SCAMP1: variants seen among roughly 807,000 people sequenced by gnomAD.
SCAMP1 encodes secretory carrier-associated membrane protein 1.
Under a neutral mutation model 41.8 loss-of-function variants are expected in SCAMP1, and 15 were observed. The observed-to-expected ratio is 0.36, with a 90% CI of 0.24 to 0.55. The LOEUF (loss-of-function observed/expected upper bound fraction) is 0.55, where lower values mean the gene tolerates loss of function less well. SCAMP1 is among the 20% of genes least tolerant of loss of function. SCAMP1 has a pLI of 0.86. For missense variants in SCAMP1, 341 were observed against 412.6 expected (o/e 0.83, Z 1.50); for synonymous variants, 135 against 136.8 (o/e 0.99, Z 0.09).
intron 2 of SCAMP1, among the ~76,000 whole-genome samples, chr5:78,402,334 T>A (rs953385861): frequency 6.6e-6 from 1 of 152,200 alleles, no homozygotes; most frequent in Admixed American, 6.5e-5. Flanking sequence ...TTATATCCAA[T>A]CAACGGATGG....
chr5:78,423,173 A>T (rs1048801458), intron 6 of SCAMP1, among the ~76,000 whole-genome samples: 5 of 152,218 alleles, frequency 3.3e-5, no homozygotes, highest in Admixed American at 2.6e-4. Context: ...ATTATTACTT[A>T]GAAATGGCAT....
intron 2 of SCAMP1, among the ~76,000 whole-genome samples, chr5:78,392,751 G>A (rs1751552888): frequency 6.6e-6 from 1 of 152,136 alleles, no homozygotes; most frequent in Non-Finnish European, 1.5e-5. Flanking sequence ...GGAAAACACA[G>A]TTTAAATATT....
chr5:78,439,790 G>T (rs147788549), intron 6 of SCAMP1, among the ~76,000 whole-genome samples: 150 of 152,232 alleles, frequency 9.9e-4, no homozygotes, highest in African/African-American at 3.3e-3. Flanking sequence ...AGTTTTCCTG[G>T]ATAATATCCT....
intron 6 of SCAMP1, among the ~76,000 whole-genome samples, chr5:78,447,169 C>A (rs991981045): frequency 1.3e-5 from 2 of 152,192 alleles, no homozygotes; most frequent in Non-Finnish European, 2.9e-5. Flanking sequence ...CCCCACCATA[C>A]GTAGAAAAAT....
intron 6 of SCAMP1, among the ~76,000 whole-genome samples, chr5:78,449,272 CTG>C (rs935661076): frequency 3.3e-5 from 5 of 152,002 alleles, no homozygotes; most frequent in Admixed American, 1.3e-4. Context: ...AATGAATAAA[CTG>C]TGGTATATTT....
intron 1 of SCAMP1, among the ~76,000 whole-genome samples, chr5:78,385,515 A>C (rs866881456): frequency 6.6e-6 from 1 of 151,762 alleles, no homozygotes; most frequent in African/African-American, 2.4e-5. Context: ...TTGTTTCTCT[A>C]GTTCCTTGAG....
At chr5:78,473,359 C>T (rs1352978209) in intron 8 of SCAMP1, among the ~76,000 whole-genome samples, 2 of 152,166 alleles carry the variant, frequency 1.3e-5, no homozygotes, top group East Asian at 3.8e-4. Context: ...CATGTGTTAA[C>T]ATGCTTTCTT....
At chr5:78,397,441 A>G (rs1554042512) in intron 2 of SCAMP1, among the ~76,000 whole-genome samples, 1 of 152,206 alleles carries the variant, frequency 6.6e-6, no homozygotes, top group Non-Finnish European at 1.5e-5. Context: ...TAGATGTGAC[A>G]CTAAAAATAC....
In SCAMP1 at chr5:78,475,574, T is replaced by A; in HGVS notation, c.923T>A (p.Met308Lys). 6.2e-7 allele frequency: 1 copy of A among 1,611,268 alleles called. No homozygotes were observed. Among genetic ancestry groups the A allele is most frequent in the Non-Finnish European group, 8.5e-7 (1 of 1,178,956 alleles). ...CAACAGGAGTTTGCAACAGGTGTGA[T>A]GTCCAACAAAACTGTCCAGACCGCA... is the stretch of plus-strand genomic sequence containing the variant. ...KAQQEFATGV[M>K]SNKTVQTAAA... Residue 308 changes from methionine (M) to lysine (K), a missense_variant, in exon 9 of 9, where the codon ATG becomes AAG. Coordinates refer to ENST00000621999, the MANE Select transcript of SCAMP1 (RefSeq NM_004866.6).
chr5:78,451,699 C>A (rs1405137554), intron 7 of SCAMP1, among the ~76,000 whole-genome samples: 1 of 152,158 alleles, frequency 6.6e-6, no homozygotes, highest in African/African-American at 2.4e-5. Flanking sequence ...GCCCTATCAC[C>A]CAGGCTGGAG....
chr5:78,368,098 T>C (rs571067653), intron 1 of SCAMP1, among the ~76,000 whole-genome samples: 17 of 152,348 alleles, frequency 1.1e-4, no homozygotes, highest in African/African-American at 3.4e-4. Flanking sequence ...ACAACTCTCT[T>C]AACAGTTTCT....
At chr5:78,466,299 A>G (rs1179338578) in intron 8 of SCAMP1, among the ~76,000 whole-genome samples, 6 of 152,084 alleles carry the variant, frequency 3.9e-5, no homozygotes, top group Non-Finnish European at 8.8e-5. Flanking sequence ...GGGCCCCCCA[A>G]TTCAGTTATT....
At chr5:78,433,903 A>G (rs147515238) in intron 6 of SCAMP1, among the ~76,000 whole-genome samples, 4 of 152,136 alleles carry the variant, frequency 2.6e-5, no homozygotes, top group African/African-American at 7.2e-5. Context: ...TCTGTAATAG[A>G]TATATTCCTG....
intron 6 of SCAMP1, among the ~76,000 whole-genome samples, chr5:78,437,512 TG>T (rs1265363079): frequency 6.6e-6 from 1 of 152,184 alleles, no homozygotes; most frequent in Non-Finnish European, 1.5e-5. Context: ...TGATGGATTA[TG>T]TTTATTGATT....
At chr5:78,439,891 T>C (rs1470212059) in intron 6 of SCAMP1, among the ~76,000 whole-genome samples, 1 of 152,206 alleles carries the variant, frequency 6.6e-6, no homozygotes, top group African/African-American at 2.4e-5. Context: ...TAGTCCCATG[T>C]TTCTTGGAGG....
intron 8 of SCAMP1, among the ~76,000 whole-genome samples, chr5:78,471,009 C>G: frequency 6.6e-6 from 1 of 152,134 alleles, no homozygotes; most frequent in Admixed American, 6.5e-5. Context: ...AACATTTAAT[C>G]CTCAGCAGGT....
intron 6 of SCAMP1, among the ~76,000 whole-genome samples, chr5:78,426,754 G>C (rs2112157620): frequency 6.6e-6 from 1 of 152,272 alleles, no homozygotes; most frequent in South Asian, 2.1e-4. Context: ...GGAAACCACT[G>C]ATCTGTTGCC....
chr5:78,362,019 C>G (rs1267259220), intron 1 of SCAMP1, among the ~76,000 whole-genome samples: 1 of 152,078 alleles, frequency 6.6e-6, no homozygotes, highest in East Asian at 1.9e-4. Flanking sequence ...TTTCATTGTC[C>G]CTAATGTCAC....
Position 78,421,861 on chromosome 5 carries a change from C to T in SCAMP1, c.533C>T (p.Ser178Phe). The change falls in exon 6 of 9, where the codon TCT becomes TTT. Residue 178 changes from serine to phenylalanine, a missense_variant. Physicochemically the swap from Ser to Phe is radical, Grantham distance 155. Coordinates refer to ENST00000621999, the MANE Select transcript of SCAMP1 (RefSeq NM_004866.6). ...TGCTTGGCTTGGTTTTGTGTTGATTCTGCAAGAGCGGTTGATTTTGGATTG... is the reference window on the plus strand; with the variant it reads ...TGCTTGGCTTGGTTTTGTGTTGATTTTGCAAGAGCGGTTGATTTTGGATTG... The part of the protein sequence containing the change: ...FGCLAWFCVD[S>F]ARAVDFGLSI... The T allele has an allele frequency of 6.2e-7, 1 of 1,613,756 alleles. No homozygotes were observed. Among genetic ancestry groups the T allele is most frequent in the Non-Finnish European group, 8.5e-7 (1 of 1,179,752 alleles).
Sources: allele counts gnomAD v4.1 joint callset (sites outside exome capture counted in the v4.1 genomes callset), GRCh38; gene constraint gnomAD v4.1.1; transcripts MANE v1.5; gene names NCBI Gene and HGNC (gene_info 2026-07-23, HGNC 2026-07-21).